The following CAMK4 variants were observed in gnomAD, a reference collection of about 807,000 sequenced individuals.
CAMK4 encodes calcium/calmodulin dependent protein kinase IV.
CAMK4 carries 22 observed loss-of-function variants against 44.9 expected under a neutral mutation model. The ratio of observed to expected loss-of-function variants is 0.49; its 90% confidence interval spans 0.35 to 0.70. The LOEUF (loss-of-function observed/expected upper bound fraction) is 0.70. CAMK4 is among the 30% of genes least tolerant of loss of function. The pLI, the probability that CAMK4 is intolerant of heterozygous loss-of-function variation, is 0.01. For synonymous variants in CAMK4, 218 were observed against 215.4 expected, an observed-to-expected ratio of 1.01 and a Z score of -0.11; for missense variants, 498 against 586.8, an observed-to-expected ratio of 0.85 and a Z score of 1.56.
intron 7 of CAMK4, among the ~76,000 whole-genome samples, chr5:111,468,291 A>G (rs1218687702): frequency 6.6e-6 from 1 of 152,182 alleles, no homozygotes; most frequent in Non-Finnish European, 1.5e-5. Context: ...AATGTGACCA[A>G]ACACCTCCTA....
intron 9 of CAMK4, among the ~76,000 whole-genome samples, chr5:111,480,553 A>G (rs1345161184): frequency 1.3e-5 from 2 of 152,112 alleles, no homozygotes; most frequent in East Asian, 3.9e-4. Context: ...GACTCAGTAA[A>G]TGTTTATTGG....
At chr5:111,275,570 C>T (rs1390620066) in intron 1 of CAMK4, among the ~76,000 whole-genome samples, 1 of 151,994 alleles carries the variant, frequency 6.6e-6, no homozygotes, top group Non-Finnish European at 1.5e-5. Flanking sequence ...TAGAATCCCA[C>T]ATACTTGAAA....
chr5:111,364,932 T>C (rs978312255), intron 2 of CAMK4: 1 of 152,242 alleles, frequency 6.6e-6, no homozygotes, highest in South Asian at 2.1e-4. Context: ...TCAGTCTCCT[T>C]CTTGTTCCAG....
chr5:111,344,377 A>G (rs1749778715), intron 2 of CAMK4, among the ~76,000 whole-genome samples: 1 of 150,758 alleles, frequency 6.6e-6, no homozygotes, highest in African/African-American at 2.4e-5. Context: ...TTTGCATATC[A>G]GGCATGTTCT....
intron 1 of CAMK4, among the ~76,000 whole-genome samples, chr5:111,338,428 ATACTT>A (rs1271408246): frequency 1.2e-4 from 18 of 151,210 alleles, no homozygotes; most frequent in African/African-American, 1.7e-4. Flanking sequence ...AACTCTGTTG[ATACTT>A]TACTTTATTT....
chr5:111,253,487 G>A (rs935829785), intron 1 of CAMK4, among the ~76,000 whole-genome samples: 12 of 152,160 alleles, frequency 7.9e-5, no homozygotes, highest in Admixed American at 6.5e-4. Flanking sequence ...CTCCAATACT[G>A]TTTTATGTTC....
At chr5:111,236,037 C>T (rs969630690) in intron 1 of CAMK4, among the ~76,000 whole-genome samples, 1 of 152,210 alleles carries the variant, frequency 6.6e-6, no homozygotes, top group African/African-American at 2.4e-5. Context: ...CATAAAGCCC[C>T]GCACCTCACT....
At chr5:111,407,135 C>T (rs538333747) in intron 5 of CAMK4, among the ~76,000 whole-genome samples, 146 of 152,034 alleles carry the variant, frequency 9.6e-4, no homozygotes, top group African/African-American at 3.3e-3. Flanking sequence ...AGGTGGATCA[C>T]GAGGTCAGGA....
chr5:111,362,409 A>G (rs1424144388), intron 2 of CAMK4, among the ~76,000 whole-genome samples: 1 of 151,318 alleles, frequency 6.6e-6, no homozygotes, highest in Admixed American at 6.6e-5. Flanking sequence ...TGGATATTAG[A>G]TATTCATAAA....
chr5:111,270,862 C>G (rs547556894), intron 1 of CAMK4, among the ~76,000 whole-genome samples: 4 of 152,104 alleles, frequency 2.6e-5, no homozygotes, highest in Admixed American at 2.6e-4. Flanking sequence ...AAAGTTATAT[C>G]CAAGATGGAG....
At chr5:111,470,606 G>A (rs75125179) in intron 7 of CAMK4, among the ~76,000 whole-genome samples, 3,536 of 152,272 alleles carry the variant, frequency 0.023, 87 homozygotes, top group African/African-American at 0.068. Context: ...AGAGAACTGA[G>A]GGATAACCAT....
At chr5:111,295,852 C>T (rs1379557657) in intron 1 of CAMK4, among the ~76,000 whole-genome samples, 2 of 152,016 alleles carry the variant, frequency 1.3e-5, no homozygotes, top group Non-Finnish European at 2.9e-5. Flanking sequence ...CACGTGGTTT[C>T]AAAAAGTGAG....
At chr5:111,419,472 C>G (rs1002907683) in intron 5 of CAMK4, among the ~76,000 whole-genome samples, 3 of 152,136 alleles carry the variant, frequency 2.0e-5, no homozygotes, top group Non-Finnish European at 4.4e-5. Context: ...TCAATTTTGT[C>G]TTTTGTTGCC....
chr5:111,453,309 T>C (rs1754299548), intron 7 of CAMK4, among the ~76,000 whole-genome samples: 1 of 152,236 alleles, frequency 6.6e-6, no homozygotes, highest in Non-Finnish European at 1.5e-5. Flanking sequence ...TCTAGGGTTT[T>C]GAATTAAATA....
intron 1 of CAMK4, among the ~76,000 whole-genome samples, chr5:111,230,754 C>A (rs548146636): frequency 3.7e-4 from 57 of 152,018 alleles, no homozygotes; most frequent in African/African-American, 1.3e-3. Flanking sequence ...TAGTGTTAGC[C>A]AAGTGAAGTG....
chr5:111,334,883 A>G (rs1179188652), intron 1 of CAMK4, among the ~76,000 whole-genome samples: 3 of 151,526 alleles, frequency 2.0e-5, no homozygotes, highest in Non-Finnish European at 4.4e-5. Flanking sequence ...CTTTGTAACC[A>G]AGCATCTTCA....
chr5:111,428,240 G>A (rs1050802307), intron 5 of CAMK4, among the ~76,000 whole-genome samples: 5 of 152,210 alleles, frequency 3.3e-5, no homozygotes, highest in Admixed American at 2.6e-4. Context: ...TCAAATATCT[G>A]AAAAGATTCC....
chr5:111,425,106 T>C (rs1254385682), intron 5 of CAMK4, among the ~76,000 whole-genome samples: 2 of 146,104 alleles, frequency 1.4e-5, no homozygotes, highest in Non-Finnish European at 3.0e-5. Flanking sequence ...GAGGTTTCGG[T>C]GAGCTGAGAT....
intron 4 of CAMK4, among the ~76,000 whole-genome samples, chr5:111,379,241 GAGTTA>G (rs1751326712): frequency 1.3e-5 from 2 of 152,146 alleles, no homozygotes; most frequent in Admixed American, 1.3e-4. Flanking sequence ...CTATTGGCTT[GAGTTA>G]ATTGGGAATC....
Sources: allele counts gnomAD v4.1 joint callset (sites outside exome capture counted in the v4.1 genomes callset), GRCh38; gene constraint gnomAD v4.1.1; transcripts MANE v1.5; gene names NCBI Gene and HGNC (gene_info 2026-07-23, HGNC 2026-07-21).